PDZRN3: variants seen among roughly 807,000 people sequenced by gnomAD.
PDZRN3 encodes E3 ubiquitin-protein ligase PDZRN3.
A neutral mutation model predicts 85.7 loss-of-function variants in PDZRN3; 38 were observed. That is an observed-to-expected ratio of 0.44 (90% CI 0.34 to 0.58). The LOEUF is 0.58. Among genes scored for constraint, PDZRN3 ranks in the 20% least tolerant of loss-of-function variants. The pLI is 0.01. For missense variants in PDZRN3, 1,629 were observed against 1,506.4 expected (o/e 1.08, Z -1.35); for synonymous variants, 759 against 638.0 (o/e 1.19, Z -2.86).
At chr3:73,489,930 G>A (rs999363471) in intron 3 of PDZRN3, among the ~76,000 whole-genome samples, 1 of 152,030 alleles carries the variant, frequency 6.6e-6, no homozygotes, top group Non-Finnish European at 1.5e-5. Flanking sequence ...AGGTCTCTCA[G>A]GCATCTAAAC....
Position 73,384,073 on chromosome 3 carries a change from G to A in PDZRN3, c.2493C>T (p.Pro831=). Residue 831 remains proline, a synonymous_variant, in exon 10 of 10, where the codon CCC becomes CCT. Coordinates refer to ENST00000263666, the MANE Select transcript of PDZRN3 (RefSeq NM_015009.3). ...GCTCTTTGCTTTCCAGGGGCTGGTT[G>A]GGGTCCAGCTCCTTCAGGGACGGGC... The part of the protein sequence containing the change: ...TYSPSLKELD[P]NQPLESKERR... The A allele has an allele frequency of 1.2e-6, 2 of 1,611,418 alleles. No individual in the cohort carries two copies. The highest frequency in any genetic ancestry group is 1.7e-6 in the Non-Finnish European group (2 of 1,178,894).
intron 2 of PDZRN3, among the ~76,000 whole-genome samples, chr3:73,603,962 G>A (rs1173905562): frequency 7.9e-5 from 12 of 151,570 alleles, no homozygotes; most frequent in Admixed American, 7.9e-4. Flanking sequence ...AACCTAAAAT[G>A]AGCATTAAGT....
At chr3:73,425,764 G>T (rs575685127) in intron 3 of PDZRN3, among the ~76,000 whole-genome samples, 2 of 152,120 alleles carry the variant, frequency 1.3e-5, no homozygotes, top group South Asian at 4.2e-4. Context: ...CAAAAAAATC[G>T]ACTTCTAGAA....
intron 3 of PDZRN3, among the ~76,000 whole-genome samples, chr3:73,548,442 G>A (rs757792124): frequency 6.6e-6 from 1 of 152,184 alleles, no homozygotes; most frequent in Non-Finnish European, 1.5e-5. Flanking sequence ...AGCAAAGGAG[G>A]GATCCTACTT....
chr3:73,473,896 C>T (rs1364468941), intron 3 of PDZRN3, among the ~76,000 whole-genome samples: 2 of 152,166 alleles, frequency 1.3e-5, no homozygotes, highest in Non-Finnish European at 2.9e-5. Flanking sequence ...GTGAGCCACT[C>T]CTGGGTGTCT....
intron 5 of PDZRN3, among the ~76,000 whole-genome samples, chr3:73,392,096 C>T (rs899287177): frequency 6.6e-6 from 1 of 152,194 alleles, no homozygotes; most frequent in Non-Finnish European, 1.5e-5. Flanking sequence ...AAGCTCAAAG[C>T]AGTTATTTGG....
intron 5 of PDZRN3, among the ~76,000 whole-genome samples, chr3:73,395,487 G>A (rs1339286167): frequency 2.6e-5 from 4 of 152,146 alleles, no homozygotes; most frequent in African/African-American, 7.2e-5. Flanking sequence ...AAATTGAAAC[G>A]ATATTCCAAT....
intron 3 of PDZRN3, among the ~76,000 whole-genome samples, chr3:73,449,521 T>G (rs907366172): frequency 6.6e-6 from 1 of 152,224 alleles, no homozygotes; most frequent in Non-Finnish European, 1.5e-5. Context: ...TTCTGAATCA[T>G]GATGAGGACT....
chr3:73,514,539 T>C (rs1045295700), intron 3 of PDZRN3, among the ~76,000 whole-genome samples: 7 of 152,204 alleles, frequency 4.6e-5, no homozygotes, highest in African/African-American at 1.7e-4. Context: ...TACACAAATA[T>C]ACTTAAATTC....
At chr3:73,473,237 C>T (rs990422742) in intron 3 of PDZRN3, among the ~76,000 whole-genome samples, 5 of 152,126 alleles carry the variant, frequency 3.3e-5, no homozygotes, top group East Asian at 1.9e-4. Context: ...AAAACTCTTT[C>T]GCAGAAATAT....
chr3:73,417,101 T>G (rs974706119), intron 3 of PDZRN3, among the ~76,000 whole-genome samples: 1 of 151,940 alleles, frequency 6.6e-6, no homozygotes, highest in Admixed American at 6.6e-5. Context: ...AGGCTGGTCT[T>G]GAACTCCTGC....
chr3:73,458,280 T>C (rs962736835), intron 3 of PDZRN3, among the ~76,000 whole-genome samples: 1 of 151,884 alleles, frequency 6.6e-6, no homozygotes, highest in Admixed American at 6.6e-5. Context: ...GCCCAGCAGA[T>C]GCCCGTAACA....
chr3:73,421,872 C>T (rs1254665809), intron 3 of PDZRN3, among the ~76,000 whole-genome samples: 2 of 152,192 alleles, frequency 1.3e-5, no homozygotes. Flanking sequence ...TGGTCTCGAT[C>T]CCCTGACCTC....
chr3:73,530,348 A>T (rs1704624238), intron 3 of PDZRN3, among the ~76,000 whole-genome samples: 1 of 152,202 alleles, frequency 6.6e-6, no homozygotes, highest in African/African-American at 2.4e-5. Context: ...TGACAAAACC[A>T]CGATTATGTA....
intron 3 of PDZRN3, among the ~76,000 whole-genome samples, chr3:73,548,125 T>C (rs1207254858): frequency 6.6e-6 from 1 of 152,166 alleles, no homozygotes; most frequent in Non-Finnish European, 1.5e-5. Context: ...AAATTAAGAC[T>C]AGGCCAACAA....
intron 3 of PDZRN3, among the ~76,000 whole-genome samples, chr3:73,562,333 T>C (rs756036143): frequency 2.0e-4 from 30 of 152,280 alleles, no homozygotes; most frequent in South Asian, 1.0e-3. Context: ...GTTTTGTACA[T>C]AGGACATCCA....
At chr3:73,485,069 A>T (rs1703638944) in intron 3 of PDZRN3, among the ~76,000 whole-genome samples, 1 of 152,162 alleles carries the variant, frequency 6.6e-6, no homozygotes, top group Non-Finnish European at 1.5e-5. Flanking sequence ...TATTAGTCTC[A>T]GTTCTCTGAC....
intron 3 of PDZRN3, among the ~76,000 whole-genome samples, chr3:73,542,922 C>T (rs921603738): frequency 6.6e-6 from 1 of 152,228 alleles, no homozygotes; most frequent in African/African-American, 2.4e-5. Flanking sequence ...AGCATCCACA[C>T]CCCTTCCATA....
At chr3:73,563,003 ATATATATATATTTTTTT>A (rs1467128421) in intron 3 of PDZRN3, among the ~76,000 whole-genome samples, 1 of 37,132 alleles carries the variant, frequency 2.7e-5, no homozygotes, top group African/African-American at 1.1e-4. Flanking sequence ...ATATATATAT[ATATATATATATTTTTTT>A]TTTTTTTTTT....
Sources: gnomAD v4.1 joint callset for allele counts (sites outside exome capture counted in the v4.1 genomes callset) on GRCh38, gnomAD v4.1.1 for gene constraint, MANE v1.5 for transcripts, NCBI Gene and HGNC (gene_info 2026-07-23, HGNC 2026-07-21) for gene names.